Variants in TFEC observed in about 807,000 individuals in gnomAD.
TFEC encodes the protein class E basic helix-loop-helix protein 34.
In TFEC, 31 loss-of-function variants were observed where a neutral mutation model predicts 41.6. The ratio of observed to expected loss-of-function variants is 0.74; its 90% CI spans 0.56 to 1.01. The LOEUF (loss-of-function observed/expected upper bound fraction) is 1.01. Ranked by LOEUF, TFEC falls within the 50% of genes least tolerant of loss-of-function variation. The pLI is 0.00. For synonymous variants in TFEC, 143 were observed against 140.6 expected, an observed-to-expected ratio of 1.02 and a Z score of -0.12; for missense variants, 402 against 404.1, an observed-to-expected ratio of 0.99 and a Z score of 0.04.
exon 3 of TFEC, chr7:116,110,819 G>T (rs1454900385): frequency 6.5e-7 from 1 of 1,548,498 alleles, no homozygotes; most frequent in Non-Finnish European, 8.7e-7. Context: ...TATGGGCACT[G>T]ATTTCCTGGC....
intron 1 of TFEC, among the ~76,000 whole-genome samples, chr7:116,159,565 T>A (rs897033733): frequency 2.0e-5 from 3 of 152,088 alleles, no homozygotes; most frequent in Non-Finnish European, 4.4e-5. Flanking sequence ...TTCCTTCTAG[T>A]GAATTCACCA....
chr7:115,995,043 T>G (rs554071699), intron 1 of TFEC, among the ~76,000 whole-genome samples: 27 of 152,084 alleles, frequency 1.8e-4, no homozygotes, highest in Non-Finnish European at 3.1e-4. Context: ...TCATGTCCTT[T>G]GTAGGGACAT....
At chr7:116,119,292 T>C (rs1798058164) in intron 1 of TFEC, among the ~76,000 whole-genome samples, 1 of 151,708 alleles carries the variant, frequency 6.6e-6, no homozygotes, top group African/African-American at 2.4e-5. Flanking sequence ...CTAAACTACA[T>C]TATACAGAAA....
intron 3 of TFEC, among the ~76,000 whole-genome samples, chr7:116,069,344 A>G (rs1796771051): frequency 6.6e-6 from 1 of 151,652 alleles, no homozygotes; most frequent in Non-Finnish European, 1.5e-5. Flanking sequence ...AAAATTTACA[A>G]ATTTCTAAAA....
intron 1 of TFEC, among the ~76,000 whole-genome samples, chr7:115,985,255 CA>C (rs146783146): frequency 5.9e-4 from 90 of 152,044 alleles, no homozygotes; most frequent in African/African-American, 2.1e-3. Flanking sequence ...CAAAATATAC[CA>C]CATACTTTCA....
intron 2 of TFEC, 28 bp downstream of exon 2, chr7:115,984,234 T>C (rs4730703): frequency 0.18 from 291,572 of 1,598,042 alleles, 29,771 homozygotes; most frequent in Non-Finnish European, 0.21. Flanking sequence ...ACTGATGATA[T>C]ATTTTTATAA....
Position 115,971,591 on chromosome 7 carries a change from TC to T in TFEC, c.267+2578del, listed in dbSNP as rs144546754. ...TTGAAATTACAGACTGAAGAAAACT[TC>T]CAAGCAGGTCTCAGTATCCTGCTCA... On this transcript the variant is annotated intron_variant, in intron 3 of 7. Transcript: ENST00000265440. Among the ~76,000 whole-genome samples, 883 of 152,020 alleles carry T rather than the reference TC, an allele frequency of 5.8e-3. 11 individuals are homozygous for T. The highest frequency in any genetic ancestry group is 0.02 in the African/African-American group (836 of 41,492).
chr7:116,137,061 T>C (rs1009010003), intron 1 of TFEC, among the ~76,000 whole-genome samples: 1 of 152,070 alleles, frequency 6.6e-6, no homozygotes, highest in African/African-American at 2.4e-5. Flanking sequence ...AATTTGTCTT[T>C]GGCTAATTTA....
At chr7:116,048,663 C>A (rs971548207) in intron 3 of TFEC, among the ~76,000 whole-genome samples, 2 of 152,056 alleles carry the variant, frequency 1.3e-5, no homozygotes, top group African/African-American at 4.8e-5. Context: ...AAGAGCAACT[C>A]CAAGACACAT....
chr7:116,011,492 GC>G (rs1794999336), intron 1 of TFEC, among the ~76,000 whole-genome samples: 1 of 152,094 alleles, frequency 6.6e-6, no homozygotes, highest in African/African-American at 2.4e-5. Context: ...TTGATTGTAT[GC>G]TATCTATTGA....
chr7:116,129,586 CTTTTTTTT>C (rs932837265), intron 1 of TFEC, among the ~76,000 whole-genome samples: 3 of 106,890 alleles, frequency 2.8e-5, no homozygotes, highest in Admixed American at 9.4e-5. Flanking sequence ...AATATTCTTA[CTTTTTTTT>C]TTTTTTTTTT....
intron 1 of TFEC, among the ~76,000 whole-genome samples, chr7:116,029,964 G>T (rs969579137): frequency 1.3e-5 from 2 of 152,034 alleles, no homozygotes; most frequent in South Asian, 4.1e-4. Flanking sequence ...TACTTGGAAG[G>T]CTGAGGCAGG....
At position 115,938,188 on chromosome 7, in the gene TFEC, G is replaced by A. The variant is rs1040671333; in HGVS notation, c.*2363C>T. The A allele has an allele frequency of 6.6e-6, 1 of 151,768 alleles. No homozygotes were observed. Among genetic ancestry groups the A allele is most frequent in the Non-Finnish European group, 1.5e-5 (1 of 67,836 alleles). 9.4% of individuals were successfully genotyped at this position (151,768 alleles called of 1,614,324 possible). The stretch of plus-strand genomic sequence containing the variant: ...CCAGTAGTTGTACCTTAACAGAACA[G>A]AAAATAATGACTGAGTAATGACATC... On this transcript the variant is annotated 3_prime_UTR_variant, in exon 8 of 8. Coordinates refer to ENST00000265440, the MANE Select transcript of TFEC (RefSeq NM_012252.4).
chr7:116,012,828 A>G (rs1049551879), intron 1 of TFEC, among the ~76,000 whole-genome samples: 3 of 3,932 alleles, frequency 7.6e-4, no homozygotes, highest in South Asian at 3.4e-3. Flanking sequence ...TATTTCTGGA[A>G]AAAAAAAAAA....
intron 3 of TFEC, chr7:116,110,637 C>A (rs1312834193): frequency 1.0e-5 from 11 of 1,091,644 alleles, no homozygotes; most frequent in Non-Finnish European, 1.3e-5. Flanking sequence ...ACAATTAAAA[C>A]AGACAGATTT....
intron 3 of TFEC, among the ~76,000 whole-genome samples, chr7:115,969,966 T>C (rs1793059016): frequency 6.6e-6 from 1 of 152,014 alleles, no homozygotes; most frequent in African/African-American, 2.4e-5. Context: ...GAGGAAGGAC[T>C]TCTTTTCAGC....
intron 3 of TFEC, among the ~76,000 whole-genome samples, chr7:116,071,717 A>G (rs1796834124): frequency 6.6e-6 from 1 of 151,390 alleles, no homozygotes; most frequent in Non-Finnish European, 1.5e-5. Flanking sequence ...TTGTATTTTA[A>G]GTAATTCTCT....
At chr7:116,150,024 A>ATC (rs1278314596) in intron 1 of TFEC, among the ~76,000 whole-genome samples, 1 of 151,826 alleles carries the variant, frequency 6.6e-6, no homozygotes, top group East Asian at 1.9e-4. Context: ...TCTCCTCCCT[A>ATC]TCTTGTTTCC....
At chr7:116,005,176 C>T (rs1265015748) in intron 1 of TFEC, among the ~76,000 whole-genome samples, 1 of 152,090 alleles carries the variant, frequency 6.6e-6, no homozygotes, top group Admixed American at 6.5e-5. Flanking sequence ...ATACAGTGAA[C>T]TGGTACCAGT....
Sources: gnomAD v4.1 joint callset for allele counts (sites outside exome capture counted in the v4.1 genomes callset) on GRCh38, gnomAD v4.1.1 for gene constraint, MANE v1.5 for transcripts, NCBI Gene and HGNC (gene_info 2026-07-23, HGNC 2026-07-21) for gene names.